The following RAB44 variants were observed in gnomAD, a reference collection of about 807,000 sequenced individuals.
RAB44 encodes the protein RAB44, member RAS oncogene family.
Under a neutral mutation model 93.3 loss-of-function variants are expected in RAB44, and 67 were observed. That is an observed-to-expected ratio of 0.72 (90% CI 0.59 to 0.88). RAB44 has a LOEUF of 0.88. Ranked by LOEUF, RAB44 falls within the 40% of genes least tolerant of loss-of-function variation. The probability of loss-of-function intolerance (pLI) is 0.00; values close to 1 mark genes in which losing one functional copy is unlikely to be tolerated. For missense variants in RAB44, 1,064 were observed against 1,261.7 expected (o/e 0.84, Z 2.37); for synonymous variants, 427 against 520.3 (o/e 0.82, Z 2.44).
rs186887788 is a variant in RAB44 at position 36,698,092 on chromosome 6, C to A, written c.-13+177C>A. Among the ~76,000 whole-genome samples the A allele has an allele frequency of 3.0e-3, 456 of 152,264 alleles. 1 individual carries two copies. The highest frequency in any genetic ancestry group is 5.6e-3 in the Non-Finnish European group (381 of 68,024). ...GGGAGGGGATGGGAAAGCACTTGGG[C>A]AAGAGGCTGGGGTACATCACTACCC... On this transcript the variant is annotated intron_variant, in intron 1 of 13. Coordinates refer to ENST00000612677, the MANE Select transcript of RAB44 (RefSeq NM_001257357.2).
In RAB44 at chr6:36,730,782, C is replaced by T. The variant is rs755807031; in HGVS notation, c.2975+33C>T. The T allele has an allele frequency of 9.1e-6, 10 of 1,104,206 alleles. No individual in the cohort carries two copies. The East Asian group carries it at 2.0e-4, about 22-fold the overall frequency. 68.4% of individuals were successfully genotyped at this position (1,104,206 alleles called of 1,614,324 possible). On this transcript the variant is annotated intron_variant, in intron 13 of 13. Transcript: ENST00000612677. Reference sequence around the variant, plus strand: ...CTGCCCGCCCCCCGCCGCCCCCACCCCCCCCCTTGCAGAATCCTCTGGGAC... The same window carrying T: ...CTGCCCGCCCCCCGCCGCCCCCACCTCCCCCCTTGCAGAATCCTCTGGGAC...
intron 1 of RAB44, 93 bp from the exon 2 acceptor site, chr6:36,704,131 C>A: frequency 8.4e-7 from 1 of 1,185,762 alleles, no homozygotes; most frequent in Non-Finnish European, 1.2e-6. Context: ...AGTGGATTTT[C>A]TTCCAAGGGT....
chr6:36,707,882 TG>T (rs1267774199), intron 2 of RAB44, among the ~76,000 whole-genome samples: 1 of 152,190 alleles, frequency 6.6e-6, no homozygotes, highest in African/African-American at 2.4e-5. Flanking sequence ...AATTCTCTCC[TG>T]GGGTACAATG....
Position 36,730,783 on chromosome 6 carries a change from C to G in RAB44, c.2975+34C>G, listed in dbSNP as rs537317729. 943 of 1,093,064 alleles carry G rather than the reference C, an allele frequency of 8.6e-4. 16 individuals carry two copies. The highest frequency in any genetic ancestry group is 2.0e-3 in the Admixed American group (44 of 21,980). The allele number at this position is 1,093,064 out of a possible 1,614,324, so 67.7% of individuals were successfully genotyped here. A position where few individuals can be genotyped will look rare whatever the true frequency, so the allele number is the denominator to read the frequency against. The stretch of plus-strand genomic sequence containing the variant: ...TGCCCGCCCCCCGCCGCCCCCACCC[C>G]CCCCCTTGCAGAATCCTCTGGGACA... On this transcript the variant is annotated intron_variant, in intron 13 of 13. Coordinates refer to ENST00000612677, the MANE Select transcript of RAB44 (RefSeq NM_001257357.2).
intron 1 of RAB44, among the ~76,000 whole-genome samples, chr6:36,702,485 G>A (rs1481454653): frequency 6.6e-6 from 1 of 152,192 alleles, no homozygotes; most frequent in East Asian, 1.9e-4. Context: ...GAGGCCTAAA[G>A]CAGAGCCCTC....
chr6:36,720,631 T>G, intron 8 of RAB44, 81 bp downstream of exon 8: 1 of 1,079,740 alleles, frequency 9.3e-7, no homozygotes, highest in Non-Finnish European at 1.2e-6. Flanking sequence ...TCTCTAAGGA[T>G]CTAGCTAGCA....
rs1762635770 is a variant in RAB44, at chr6:36,705,797, GTC to G, written c.207+1359_207+1360del. Among the ~76,000 whole-genome samples, 5 of 152,220 alleles carry G rather than the reference GTC, an allele frequency of 3.3e-5. No homozygotes were observed. In the South Asian group the frequency reaches 8.4e-4, roughly 25 times the overall value. ...GCAACAAGGATGTAATTAAATGTGA[GTC>G]TCTGAATTTGCCCTACAAACAGAGA... On this transcript the variant is annotated intron_variant, in intron 2 of 13. Transcript: ENST00000612677.
rs150361055 is a variant in RAB44 at position 36,703,112 on chromosome 6, A to G, written c.-12-1112A>G. Among the ~76,000 whole-genome samples, 762 of 152,346 alleles carry G rather than the reference A, an allele frequency of 5.0e-3. 7 individuals carry two copies. Among genetic ancestry groups the G allele is most frequent in the African/African-American group, 0.017 (721 of 41,584 alleles). ...AGAAAGTTCAAGATTAAGGAGGTAG[A>G]ATCTGGCGTGGGCCTTCTTGTGGTG... is the stretch of plus-strand genomic sequence containing the variant. On this transcript the variant is annotated intron_variant, in intron 1 of 13. Coordinates refer to ENST00000612677, the MANE Select transcript of RAB44 (RefSeq NM_001257357.2).
At chr6:36,730,205 G>A (rs1253271795) in intron 12 of RAB44, among the ~76,000 whole-genome samples, 4 of 152,128 alleles carry the variant, frequency 2.6e-5, no homozygotes, top group Non-Finnish European at 4.4e-5. Flanking sequence ...GTACAGGACA[G>A]TTAGCCCCCG....
chr6:36,703,080 G>A lies in RAB44; in HGVS notation c.-12-1144G>A, dbSNP rs115660994. ...CAGAAATTTATTTCCTCATCCTTCT[G>A]GAGGCTAGAAAGTTCAAGATTAAGG... is the stretch of plus-strand genomic sequence containing the variant. On this transcript the variant is annotated intron_variant, in intron 1 of 13. Coordinates refer to ENST00000612677, the MANE Select transcript of RAB44 (RefSeq NM_001257357.2). Among the ~76,000 whole-genome samples, 1,363 of 152,326 alleles carry A rather than the reference G, an allele frequency of 8.9e-3. 10 individuals are homozygous for A. Among genetic ancestry groups the A allele is most frequent in the Non-Finnish European group, 0.016 (1,077 of 68,026 alleles).
chr6:36,704,097 A>G, intron 1 of RAB44, 127 bp from the exon 2 acceptor site: 2 of 835,728 alleles, frequency 2.4e-6, no homozygotes, highest in East Asian at 2.7e-5. Context: ...GCGGGACACC[A>G]TCAGGCCGGG....
At chr6:36,711,692 G>A (rs994886578) in intron 2 of RAB44, among the ~76,000 whole-genome samples, 1 of 152,140 alleles carries the variant, frequency 6.6e-6, no homozygotes, top group African/African-American at 2.4e-5. Context: ...GACATAGTAC[G>A]CTAAGTTATT....
At position 36,731,171 on chromosome 6, in the gene RAB44, ACACT is replaced by A. The variant is rs1184103674; in HGVS notation, c.2975+426_2975+429del. Among the ~76,000 whole-genome samples the A allele has an allele frequency of 1.4e-5, 2 of 144,442 alleles. No homozygotes were observed. Among genetic ancestry groups the A allele is most frequent in the African/African-American group, 5.1e-5 (2 of 39,252 alleles). 94.8% of individuals were successfully genotyped at this position (144,442 alleles called of 152,430 possible). On this transcript the variant is annotated intron_variant, in intron 13 of 13. Transcript: ENST00000612677. This position sits in a 1 kb window ranked among gnomAD's most constrained non-coding sequence, Gnocchi z 4.0. ...CACACACATTCACTCACACCCACACACACTCACACTCTTACACACACTCACACTC... is the reference window on the plus strand; with the variant it reads ...CACACACATTCACTCACACCCACACACACACTCTTACACACACTCACACTC...
At chr6:36,699,349 T>C (rs528976393) in intron 1 of RAB44, among the ~76,000 whole-genome samples, 1 of 152,122 alleles carries the variant, frequency 6.6e-6, no homozygotes, top group South Asian at 2.1e-4. Flanking sequence ...GCAGGGAATT[T>C]CTTCCAGGAT....
Position 36,722,746 on chromosome 6 carries a change from G to C in RAB44, c.2599+13G>C. The C allele has an allele frequency of 6.4e-7, 1 of 1,550,516 alleles. No homozygotes were observed. The highest frequency in any genetic ancestry group is 8.7e-7 in the Non-Finnish European group (1 of 1,146,988). On this transcript the variant is annotated intron_variant, in intron 9 of 13. Coordinates refer to ENST00000612677, the MANE Select transcript of RAB44 (RefSeq NM_001257357.2). Reference sequence around the variant, plus strand: ...ACAGCTACCGTGGGTAAGGGCATTGGGGAGGGCGGCAGGGAGCAAGGAGAG... The same window carrying C: ...ACAGCTACCGTGGGTAAGGGCATTGCGGAGGGCGGCAGGGAGCAAGGAGAG...
rs886400335 is a variant in RAB44 at position 36,721,531 on chromosome 6, C to T, written c.1397C>T (p.Pro466Leu). 1.2e-5 allele frequency: 15 copies of T among 1,234,440 alleles called. No homozygotes were observed. The highest frequency in any genetic ancestry group is 1.6e-5 in the African/African-American group (1 of 64,490). 76.5% of individuals were successfully genotyped at this position (1,234,440 alleles called of 1,614,324 possible). ...GAGCAGCCTGTTGAACCGCACGACC[C>T]GGACCCCAACCAGGAGCCAGGGTCC... ...RAEQPVEPHD[P>L]DPNQEPGSTP... The change falls in exon 9 of 14, where the codon CCG (proline) becomes CTG (leucine). Residue 466 changes from proline (P) to leucine (L), a missense_variant. Pro to Leu is a moderately conservative substitution (Grantham distance 98). Coordinates refer to ENST00000612677, the MANE Select transcript of RAB44 (RefSeq NM_001257357.2).
chr6:36,732,258 GC>G lies in RAB44; in HGVS notation c.*167del, dbSNP rs1562070804. ...CCCAGAGCAGGGCCGCATCACCTCT[GC>G]CTTTCACACTCCAAAGGAGGGCTTT... On this transcript the variant is annotated 3_prime_UTR_variant, in exon 14 of 14. Coordinates refer to ENST00000612677, the MANE Select transcript of RAB44 (RefSeq NM_001257357.2). 2 of 397,146 alleles carry G rather than the reference GC, an allele frequency of 5.0e-6. No individual in the cohort carries two copies. Among genetic ancestry groups the G allele is most frequent in the African/African-American group, 4.1e-5 (2 of 48,430 alleles). 24.6% of individuals were successfully genotyped at this position (397,146 alleles called of 1,614,324 possible). A position where few individuals can be genotyped will look rare whatever the true frequency, so the allele number is the denominator to read the frequency against.
At chr6:36,715,113 A>G (rs1762882959) in intron 3 of RAB44, among the ~76,000 whole-genome samples, 1 of 151,660 alleles carries the variant, frequency 6.6e-6, no homozygotes, top group Non-Finnish European at 1.5e-5. Context: ...ATATATATAT[A>G]TATATTCTTT....
intron 9 of RAB44, among the ~76,000 whole-genome samples, chr6:36,724,143 ATTTAT>A (rs1242687890): frequency 6.9e-5 from 6 of 86,584 alleles, no homozygotes; most frequent in African/African-American, 4.5e-4. Context: ...ATTTTATTTT[ATTTAT>A]TTATTTATTT....
Sources: allele counts gnomAD v4.1 joint callset (sites outside exome capture counted in the v4.1 genomes callset), GRCh38; gene constraint gnomAD v4.1.1; non-coding constraint Gnocchi (gnomAD v3.1); transcripts MANE v1.5; gene names NCBI Gene and HGNC (gene_info 2026-07-23, HGNC 2026-07-21).